IRGM: variants seen among roughly 807,000 people sequenced by gnomAD.
IRGM encodes the protein immunity-related GTPase family M protein.
For missense variants in IRGM, 288 were observed against 219.9 expected (o/e 1.31, Z -1.96); for synonymous variants, 98 against 80.6 (o/e 1.22, Z -1.16).
chr5:150,889,776 T>C (rs1754580268), intron 3 of IRGM, among the ~76,000 whole-genome samples: 1 of 152,108 alleles, frequency 6.6e-6, no homozygotes, highest in African/African-American at 2.4e-5. Context: ...ATACTTTTTT[T>C]CATCTTTTGA....
At chr5:150,855,336 T>G (rs975598057) in intron 1 of IRGM, among the ~76,000 whole-genome samples, 3 of 152,328 alleles carry the variant, frequency 2.0e-5, no homozygotes, top group African/African-American at 7.2e-5. Context: ...CACAGTGAAA[T>G]TTTCTCATTT....
chr5:150,856,914 T>TTCATA (rs150421228), intron 1 of IRGM, among the ~76,000 whole-genome samples: 4 of 144,578 alleles, frequency 2.8e-5, no homozygotes, highest in African/African-American at 1.0e-4. Context: ...TAAATAAATA[T>TTCATA]TTATTATTTA....
downstream of IRGM, among the ~76,000 whole-genome samples, chr5:150,852,647 A>G (rs1347606394): frequency 6.6e-6 from 1 of 152,108 alleles, no homozygotes; most frequent in Admixed American, 6.6e-5. Context: ...AGCTAGAGAG[A>G]ACTCTAAGGA....
At chr5:150,877,494 C>T (rs1037786099) in intron 1 of IRGM, among the ~76,000 whole-genome samples, 6 of 152,284 alleles carry the variant, frequency 3.9e-5, no homozygotes, top group African/African-American at 7.2e-5. Context: ...AGCTTGCACA[C>T]GGCCTACTGT....
chr5:150,871,470 G>A (rs10051100), intron 1 of IRGM, among the ~76,000 whole-genome samples: 5 of 152,122 alleles, frequency 3.3e-5, no homozygotes, highest in African/African-American at 1.2e-4. Flanking sequence ...ATCAAACTCT[G>A]TTTTGTTCAT....
At position 150,846,956 on chromosome 5, in the gene IRGM, C is replaced by T. The variant is rs948918032; in HGVS notation, c.-680C>T. On this transcript the variant is annotated 5_prime_UTR_variant, in exon 1 of 2. Transcript: ENST00000522154. The stretch of plus-strand genomic sequence containing the variant: ...CGGTAGGAGTAGGAAATCACATCAC[C>T]TTCTTTTAATCAGTCTCAAATACCT... The T allele has an allele frequency of 3.9e-5, 6 of 152,666 alleles. No individual in the cohort carries two copies. The highest frequency in any genetic ancestry group is 1.4e-4 in the African/African-American group (6 of 41,460). 9.5% of individuals were successfully genotyped at this position (152,666 alleles called of 1,614,324 possible). A position where few individuals can be genotyped will look rare whatever the true frequency, so the allele number is the denominator to read the frequency against.
At chr5:150,863,429 A>C (rs1246554334) in intron 1 of IRGM, among the ~76,000 whole-genome samples, 1 of 152,204 alleles carries the variant, frequency 6.6e-6, no homozygotes, top group African/African-American at 2.4e-5. Context: ...TGGAGAAAAA[A>C]TAGATTTGTA....
chr5:150,848,092 C>A lies in IRGM; in HGVS notation c.-32C>A, dbSNP rs1050459732. Reference sequence around the variant, plus strand: ...CTGGGATTACAGGCATGAGCCACGGCGCCTGGCCAGCATTGGGGTATTTTA... The same window carrying A: ...CTGGGATTACAGGCATGAGCCACGGAGCCTGGCCAGCATTGGGGTATTTTA... On this transcript the variant is annotated 5_prime_UTR_variant, in exon 2 of 2. Transcript: ENST00000522154. The A allele has an allele frequency of 2.0e-6, 3 of 1,503,820 alleles. No homozygotes were observed. The highest frequency in any genetic ancestry group is 4.3e-5 in the Admixed American group (2 of 46,822). The allele number at this position is 1,503,820 out of a possible 1,614,324, so 93.2% of individuals were successfully genotyped here.
rs1249670394 is a variant in IRGM, at chr5:150,848,378, TGTG to T, written c.259_261del (p.Val87del). 8 of 1,551,828 alleles carry T rather than the reference TGTG, an allele frequency of 5.2e-6. No homozygotes were observed. The highest frequency in any genetic ancestry group is 7.0e-6 in the Non-Finnish European group (8 of 1,146,980). On this transcript the variant is annotated inframe_deletion, in exon 2 of 2. Coordinates refer to ENST00000522154, the MANE Select transcript of IRGM (RefSeq NM_001145805.2). ...CCTATTTCTCTTCCCACTTTTCAAA[TGTG>T]GTGTTGTGGGACCTGCCTGGCACAG...
chr5:150,880,547 C>T (rs1427921377), intron 3 of IRGM, among the ~76,000 whole-genome samples: 1 of 152,194 alleles, frequency 6.6e-6, no homozygotes, highest in African/African-American at 2.4e-5. Flanking sequence ...ATCTGTAAGT[C>T]CAACTTGCAG....
rs10051924 is a variant in IRGM at position 150,847,077 on chromosome 5, T to C, written c.-559T>C. 0.21 allele frequency: 31,520 copies of C among 152,280 alleles called. 5,249 individuals are homozygous for C. The highest frequency in any genetic ancestry group is 0.44 in the African/African-American group (18,336 of 41,442). The allele number at this position is 152,280 out of a possible 1,614,324, so 9.4% of individuals were successfully genotyped here. ...TGAAAAAGAGCAGAGCATTTGAGTA[T>C]GCTGTCTCCTCCTCTCCCTCACTTC... On this transcript the variant is annotated 5_prime_UTR_variant, in exon 1 of 2. It removes an upstream start codon present in the reference 5' UTR. Transcript: ENST00000522154.
intron 3 of IRGM, among the ~76,000 whole-genome samples, chr5:150,880,262 C>T (rs913699901): frequency 3.9e-5 from 6 of 152,250 alleles, no homozygotes; most frequent in Admixed American, 6.5e-5. Context: ...TGAGGGTCCT[C>T]GGCATGTGTA....
chr5:150,893,936 A>C (rs1754663659), intron 3 of IRGM, among the ~76,000 whole-genome samples: 1 of 151,984 alleles, frequency 6.6e-6, no homozygotes. Flanking sequence ...GGGGGGAGTG[A>C]TATCTTTAAC....
chr5:150,859,281 T>C (rs1434135772), intron 1 of IRGM, among the ~76,000 whole-genome samples: 1 of 152,198 alleles, frequency 6.6e-6, no homozygotes, highest in Non-Finnish European at 1.5e-5. Context: ...TGAAGCCCAC[T>C]TGATCATGGT....
chr5:150,862,585 C>T (rs1754151848), intron 1 of IRGM, among the ~76,000 whole-genome samples: 1 of 152,156 alleles, frequency 6.6e-6, no homozygotes, highest in Non-Finnish European at 1.5e-5. Flanking sequence ...TCTGATCTGC[C>T]ACCTTCTCTT....
chr5:150,860,145 A>G (rs1203885845), intron 1 of IRGM, among the ~76,000 whole-genome samples: 1 of 152,254 alleles, frequency 6.6e-6, no homozygotes, highest in Non-Finnish European at 1.5e-5. Context: ...GTCACAATTT[A>G]AACGTAAATT....
Position 150,848,011 on chromosome 5 carries a change from C to T in IRGM, c.-113C>T. 3 of 790,716 alleles carry T rather than the reference C, an allele frequency of 3.8e-6. No homozygotes were observed. The highest frequency in any genetic ancestry group is 6.0e-6 in the Non-Finnish European group (3 of 500,878). The allele number at this position is 790,716 out of a possible 1,614,324, so 49.0% of individuals were successfully genotyped here. A position where few individuals can be genotyped will look rare whatever the true frequency, so the allele number is the denominator to read the frequency against. On this transcript the variant is annotated 5_prime_UTR_variant, in exon 2 of 2. Transcript: ENST00000522154. ...GTAGAGAAGGTTTCACGATGTTGGC[C>T]AGGATGGTCTCAATCTCCTGACCTC...
chr5:150,850,689 G>A (rs1231702478), downstream of IRGM, among the ~76,000 whole-genome samples: 3 of 152,170 alleles, frequency 2.0e-5, no homozygotes, highest in Non-Finnish European at 4.4e-5. Context: ...GAGTAGCTAG[G>A]ACCACAAGCA....
chr5:150,846,566 T>C lies in IRGM; in HGVS notation c.-1070T>C, dbSNP rs1753853859. 6.6e-6 allele frequency: 1 copy of C among 151,250 alleles called. No homozygotes were observed. Among genetic ancestry groups the C allele is most frequent in the Non-Finnish European group, 1.5e-5 (1 of 68,084 alleles). The allele number at this position is 151,250 out of a possible 1,614,324, so 9.4% of individuals were successfully genotyped here. A position where few individuals can be genotyped will look rare whatever the true frequency, so the allele number is the denominator to read the frequency against. On this transcript the variant is annotated 5_prime_UTR_variant, in exon 1 of 2. Coordinates refer to ENST00000522154, the MANE Select transcript of IRGM (RefSeq NM_001145805.2). ...TTCCATGCTGTGGAAGCTTTGTTTT[T>C]TTGCACTTTGCAGTAAATCTTGCTG... is the stretch of plus-strand genomic sequence containing the variant.
Sources: gnomAD v4.1 joint callset for allele counts (sites outside exome capture counted in the v4.1 genomes callset) on GRCh38, gnomAD v4.1.1 for gene constraint, MANE v1.5 for transcripts, NCBI Gene and HGNC (gene_info 2026-07-23, HGNC 2026-07-21) for gene names.